Variants in ZNF366 observed in about 807,000 individuals in gnomAD.
The protein encoded by ZNF366 is zinc finger protein 366.
In ZNF366, 20 loss-of-function variants were observed where a neutral mutation model predicts 47.2. The ratio of observed to expected loss-of-function variants is 0.42; its 90% CI spans 0.30 to 0.62. The LOEUF (loss-of-function observed/expected upper bound fraction) is 0.62, where lower values mean the gene tolerates loss of function less well. Among genes scored for constraint, ZNF366 ranks in the 20% least tolerant of loss-of-function variants. The pLI is 0.16. For missense variants in ZNF366, 987 were observed against 976.3 expected (o/e 1.01, Z -0.15); for synonymous variants, 421 against 395.1 (o/e 1.07, Z -0.78).
intron 1 of ZNF366, among the ~76,000 whole-genome samples, chr5:72,481,830 A>G (rs920986810): frequency 1.3e-5 from 2 of 152,190 alleles, no homozygotes; most frequent in African/African-American, 2.4e-5. Context: ...CAAAATTTTC[A>G]TACCCATTAG....
chr5:72,501,758 C>T (rs1258273010), intron 1 of ZNF366, among the ~76,000 whole-genome samples: 2 of 152,234 alleles, frequency 1.3e-5, no homozygotes, highest in African/African-American at 2.4e-5. Context: ...TGACCGTTCT[C>T]TGTCTCGCCA....
At chr5:72,480,391 T>G (rs1247899277) in intron 1 of ZNF366, among the ~76,000 whole-genome samples, 1 of 152,204 alleles carries the variant, frequency 6.6e-6, no homozygotes, top group Admixed American at 6.5e-5. Context: ...TTTCTGTTCC[T>G]TGGAACTTTT....
intron 1 of ZNF366, among the ~76,000 whole-genome samples, chr5:72,474,145 A>G (rs1411643409): frequency 1.3e-5 from 2 of 152,246 alleles, no homozygotes; most frequent in Non-Finnish European, 2.9e-5. Context: ...TTGTTTAAAG[A>G]GCATTTGTTG....
intron 1 of ZNF366, among the ~76,000 whole-genome samples, chr5:72,499,479 CTTTTTTTT>C (rs894702691): frequency 7.1e-5 from 8 of 112,184 alleles, no homozygotes; most frequent in East Asian, 2.6e-4. Context: ...GGAATCCTGC[CTTTTTTTT>C]TTTTTTTTTT....
chr5:72,495,575 G>T (rs879889818), intron 1 of ZNF366, among the ~76,000 whole-genome samples: 9 of 152,162 alleles, frequency 5.9e-5, no homozygotes, highest in African/African-American at 1.7e-4. Flanking sequence ...AATAAACGGA[G>T]AGTCAACTGA....
intron 4 of ZNF366, among the ~76,000 whole-genome samples, chr5:72,445,107 G>A (rs994454414): frequency 1.3e-5 from 2 of 152,208 alleles, no homozygotes; most frequent in Non-Finnish European, 2.9e-5. Flanking sequence ...GGTCCTCTGA[G>A]GAGCTCACAC....
At chr5:72,495,454 G>T (rs954855840) in intron 1 of ZNF366, among the ~76,000 whole-genome samples, 2 of 152,168 alleles carry the variant, frequency 1.3e-5, no homozygotes, top group Non-Finnish European at 2.9e-5. Flanking sequence ...CCCCTAGGAC[G>T]TGGTTGTAAC....
chr5:72,452,953 T>C (rs182696336), intron 3 of ZNF366, among the ~76,000 whole-genome samples: 35 of 151,958 alleles, frequency 2.3e-4, no homozygotes, highest in Non-Finnish European at 1.6e-4. Context: ...TCCAGCTGGC[T>C]CCAAGAAGCA....
intron 1 of ZNF366, among the ~76,000 whole-genome samples, chr5:72,476,419 C>A (rs940609210): frequency 6.6e-6 from 1 of 151,980 alleles, no homozygotes; most frequent in Non-Finnish European, 1.5e-5. Flanking sequence ...AATCTCTGTT[C>A]GATGTAAATG....
At chr5:72,457,425 G>T (rs572840163) in intron 2 of ZNF366, among the ~76,000 whole-genome samples, 3 of 152,238 alleles carry the variant, frequency 2.0e-5, no homozygotes, top group Middle Eastern at 6.8e-3. Flanking sequence ...ATGACTTTTG[G>T]GAAGAAAAAT....
intron 1 of ZNF366, among the ~76,000 whole-genome samples, chr5:72,496,513 C>T (rs1031840297): frequency 6.6e-6 from 1 of 151,952 alleles, no homozygotes; most frequent in African/African-American, 2.4e-5. Context: ...ATAGATAAAC[C>T]AGCTTTTGCT....
rs559651919 is a variant in ZNF366 at position 72,461,327 on chromosome 5, T to C, written c.170A>G (p.Tyr57Cys). ...ALRGPFSQFR[Y>C]EPPPGDLDGF... Reference sequence around the variant, plus strand: ...ATCTAGGTCTCCTGGGGGAGGTTCATACCGAAACTGGGAAAATGGCCCTCG... The same window carrying C: ...ATCTAGGTCTCCTGGGGGAGGTTCACACCGAAACTGGGAAAATGGCCCTCG... Residue 57 changes from tyrosine to cysteine, a missense_variant, in exon 2 of 5, where the codon TAT becomes TGT. By Grantham distance (194) the Tyr-to-Cys change is radical. This residue lies in a region of ZNF366 where 591 missense variants were observed against 560.9 expected (regional missense o/e 1.05). Coordinates refer to ENST00000318442, the MANE Select transcript of ZNF366 (RefSeq NM_152625.3). 1.9e-6 allele frequency: 3 copies of C among 1,614,070 alleles called. No individual in the cohort carries two copies. The highest frequency in any genetic ancestry group is 2.5e-6 in the Non-Finnish European group (3 of 1,180,022).
Position 72,507,239 on chromosome 5 carries a change from T to C in ZNF366, c.-15+12A>G, listed in dbSNP as rs1744336388. ...TGAAAAGGAAGCAGAAATGATTGCA[T>C]GGGTAACTTACCAGCTCCTGAGGTC... On this transcript the variant is annotated intron_variant, in intron 1 of 4. Transcript: ENST00000318442. 6.1e-6 allele frequency: 6 copies of C among 985,402 alleles called. No homozygotes were observed. The highest frequency in any genetic ancestry group is 7.2e-6 in the Non-Finnish European group (6 of 830,024). The allele number at this position is 985,402 out of a possible 1,614,324, so 61.0% of individuals were successfully genotyped here.
intron 1 of ZNF366, among the ~76,000 whole-genome samples, chr5:72,470,833 G>A (rs1032512905): frequency 2.0e-5 from 3 of 152,208 alleles, no homozygotes; most frequent in Non-Finnish European, 4.4e-5. Context: ...GCATAGCAGG[G>A]ACTGGGGTAG....
chr5:72,499,960 C>G (rs72761202), intron 1 of ZNF366, among the ~76,000 whole-genome samples: 2,766 of 152,288 alleles, frequency 0.018, 49 homozygotes, highest in South Asian at 0.054. Flanking sequence ...TTCCTTCCCC[C>G]ACCCCTCCAA....
At chr5:72,465,123 CA>C (rs1220914684) in intron 1 of ZNF366, among the ~76,000 whole-genome samples, 1 of 152,124 alleles carries the variant, frequency 6.6e-6, no homozygotes, top group Non-Finnish European at 1.5e-5. Context: ...ACATTTAAAA[CA>C]GCAGTCCCTT....
intron 1 of ZNF366, among the ~76,000 whole-genome samples, chr5:72,493,848 G>C (rs946876201): frequency 1.2e-4 from 18 of 150,494 alleles, no homozygotes; most frequent in African/African-American, 4.4e-4. Context: ...TCTGCCTCCT[G>C]GGTTCAAACA....
At chr5:72,507,046 T>A (rs1348388093) in intron 1 of ZNF366, among the ~76,000 whole-genome samples, 1 of 152,188 alleles carries the variant, frequency 6.6e-6, no homozygotes, top group East Asian at 1.9e-4. Context: ...GTAATTCTAT[T>A]TCTAGTTTTG....
intron 1 of ZNF366, among the ~76,000 whole-genome samples, chr5:72,476,293 A>C (rs540536792): frequency 6.6e-6 from 1 of 152,232 alleles, no homozygotes; most frequent in African/African-American, 2.4e-5. Context: ...TTAGACCAAA[A>C]TCACCTCAGG....
Sources: gnomAD v4.1 joint callset for allele counts (sites outside exome capture counted in the v4.1 genomes callset) on GRCh38, gnomAD v4.1.1 for gene constraint, gnomAD v4.1.1 regional missense constraint, MANE v1.5 for transcripts, NCBI Gene and HGNC (gene_info 2026-07-23, HGNC 2026-07-21) for gene names.